The following CDYL variants were observed in gnomAD, a reference collection of about 807,000 sequenced individuals.
CDYL encodes the protein chromodomain Y like.
CDYL carries 8 observed loss-of-function variants against 47.3 expected under a neutral mutation model. The observed-to-expected ratio is 0.17, with a 90% confidence interval of 0.10 to 0.31. The LOEUF is 0.31. CDYL is among the 10% of genes least tolerant of loss of function. The pLI, the probability that CDYL is intolerant of heterozygous loss-of-function variation, is 1.00. For synonymous variants in CDYL, 266 were observed against 265.0 expected (o/e 1.00, Z -0.04); for missense variants, 471 against 701.4 (o/e 0.67, Z 3.71).
At chr6:4,950,444 G>A (rs1046720772) in intron 5 of CDYL, among the ~76,000 whole-genome samples, 4 of 152,220 alleles carry the variant, frequency 2.6e-5, no homozygotes, top group African/African-American at 9.6e-5. Context: ...AACCCCGACA[G>A]CACAGAGCAC....
At chr6:4,714,352 T>G (rs1403919661) in intron 1 of CDYL, 3 of 151,824 alleles carry the variant, frequency 2.0e-5, no homozygotes, top group Non-Finnish European at 4.4e-5. Context: ...CACTTATTAC[T>G]TAGGAGAAGT....
chr6:4,805,294 A>G (rs1314884676), intron 1 of CDYL, among the ~76,000 whole-genome samples: 2 of 152,218 alleles, frequency 1.3e-5, no homozygotes, highest in Non-Finnish European at 2.9e-5. Flanking sequence ...ATTGGGGGAA[A>G]AAAAAGCATA....
At chr6:4,867,771 G>GTT (rs1401448283) in intron 1 of CDYL, among the ~76,000 whole-genome samples, 1 of 139,862 alleles carries the variant, frequency 7.1e-6, no homozygotes, top group African/African-American at 3.0e-5. Context: ...GTTGTTGTGG[G>GTT]GTTTTTTTTT....
chr6:4,821,419 T>C (rs992720468), intron 1 of CDYL, among the ~76,000 whole-genome samples: 5 of 151,582 alleles, frequency 3.3e-5, no homozygotes, highest in Admixed American at 6.6e-5. Context: ...CAGTCGGTCA[T>C]ATGGGAATTC....
At chr6:4,913,005 G>A (rs1274099327) in intron 2 of CDYL, among the ~76,000 whole-genome samples, 1 of 152,230 alleles carries the variant, frequency 6.6e-6, no homozygotes, top group African/African-American at 2.4e-5. Flanking sequence ...TCTGAGGAGA[G>A]TGACTTGCCG....
At chr6:4,918,402 A>G (rs1156932486) in intron 2 of CDYL, among the ~76,000 whole-genome samples, 1 of 150,146 alleles carries the variant, frequency 6.7e-6, no homozygotes, top group Non-Finnish European at 1.5e-5. Context: ...CTTTGAGGTG[A>G]CATTATAACA....
intron 1 of CDYL, among the ~76,000 whole-genome samples, chr6:4,837,041 C>T (rs1035893877): frequency 5.9e-5 from 9 of 152,128 alleles, no homozygotes; most frequent in African/African-American, 1.7e-4. Flanking sequence ...CCCAGTACCT[C>T]GTACAGTGCC....
chr6:4,915,202 A>G (rs1224225221), intron 2 of CDYL, among the ~76,000 whole-genome samples: 1 of 152,196 alleles, frequency 6.6e-6, no homozygotes, highest in Non-Finnish European at 1.5e-5. Flanking sequence ...ATAAATTCCT[A>G]GATTCGGATT....
intron 1 of CDYL, among the ~76,000 whole-genome samples, chr6:4,885,081 C>A (rs537933397): frequency 5.9e-5 from 9 of 152,200 alleles, no homozygotes; most frequent in African/African-American, 2.2e-4. Context: ...GTAGCCTAGA[C>A]CTCCTTGGCT....
At chr6:4,912,689 C>T (rs1239913982) in intron 2 of CDYL, among the ~76,000 whole-genome samples, 1 of 152,188 alleles carries the variant, frequency 6.6e-6, no homozygotes, top group African/African-American at 2.4e-5. Context: ...GTGATAGATG[C>T]TGAGGAGTCC....
intron 2 of CDYL, among the ~76,000 whole-genome samples, chr6:4,734,562 G>A (rs1306727058): frequency 2.0e-5 from 3 of 152,128 alleles, no homozygotes; most frequent in African/African-American, 7.2e-5. Context: ...CCGCTGGGAC[G>A]GGCTGCTGCA....
intron 1 of CDYL, among the ~76,000 whole-genome samples, chr6:4,780,398 G>GC (rs1212971467): frequency 0.017 from 205 of 12,360 alleles, 5 homozygotes; most frequent in East Asian, 0.065. Context: ...CCCCGCCTAC[G>GC]CCCCCCCCCC....
At chr6:4,715,660 TG>T in intron 1 of CDYL, 1 of 1,351,896 alleles carries the variant, frequency 7.4e-7, no homozygotes, top group Non-Finnish European at 1.0e-6. Flanking sequence ...GTAGAACTGG[TG>T]AAAGTCATTA....
chr6:4,758,350 A>AT (rs1491427456), intron 3 of CDYL, among the ~76,000 whole-genome samples: 2,972 of 54,174 alleles, frequency 0.055, 89 homozygotes, highest in South Asian at 0.27. Flanking sequence ...GAAAATAAAT[A>AT]AATATATATA....
rs200835710 is a variant in CDYL at position 4,717,703 on chromosome 6, CAAAAAAAAAAAAAAAAAAAA to C, written c.103+1840_103+1859del. On this transcript the variant is annotated intron_variant, in intron 2 of 8. Transcript: ENST00000328908. ...TTAGGCAACAGAACAAAGACCCTCA[CAAAAAAAAAAAAAAAAAAAA>C]AAAAAAAAAAAAAAAAATTAAAAAT... is the stretch of plus-strand genomic sequence containing the variant. 3.2e-4 allele frequency among the ~76,000 whole-genome samples: 16 copies of C among 49,348 alleles called. No homozygotes were observed. In the East Asian group the frequency reaches 5.4e-3, roughly 17 times the overall value. The allele number at this position is 49,348 out of a possible 152,430, so 32.4% of individuals were successfully genotyped here. A position where few individuals can be genotyped will look rare whatever the true frequency, so the allele number is the denominator to read the frequency against.
In CDYL at chr6:4,954,203, T is replaced by A; in HGVS notation, c.*147T>A. 2 of 712,780 alleles carry A rather than the reference T, an allele frequency of 2.8e-6. No individual in the cohort carries two copies. Among genetic ancestry groups the A allele is most frequent in the Non-Finnish European group, 4.4e-6 (2 of 458,042 alleles). The allele number at this position is 712,780 out of a possible 1,614,324, so 44.2% of individuals were successfully genotyped here. Reference sequence around the variant, plus strand: ...CAGGACTGGGAACATCCACGCTATTTATTATCGAGGAGTTTTAAAGTACTG... The same window carrying A: ...CAGGACTGGGAACATCCACGCTATTAATTATCGAGGAGTTTTAAAGTACTG... On this transcript the variant is annotated 3_prime_UTR_variant, in exon 7 of 7. Transcript: ENST00000397588.
chr6:4,813,718 C>T lies in CDYL; in HGVS notation c.24+36911C>T, dbSNP rs1759590922. Among the ~76,000 whole-genome samples the T allele has an allele frequency of 2.0e-5, 3 of 151,030 alleles. No homozygotes were observed. In the Admixed American group the frequency reaches 2.0e-4, roughly 10 times the overall value. On this transcript the variant is annotated intron_variant, in intron 1 of 6. Coordinates refer to ENST00000397588, the MANE Select transcript of CDYL (RefSeq NM_004824.4). ...TTCTTGATGTTTTGGTGGAATTTGC[C>T]TCAAGTTTCTATCTCAGACTTGTAA...
At chr6:4,784,871 T>G (rs931175242) in intron 1 of CDYL, among the ~76,000 whole-genome samples, 6 of 149,978 alleles carry the variant, frequency 4.0e-5, no homozygotes, top group African/African-American at 1.5e-4. Flanking sequence ...GTGAGTCTCA[T>G]GAGATCTCAT....
intron 1 of CDYL, among the ~76,000 whole-genome samples, chr6:4,786,012 T>G (rs551513459): frequency 6.6e-6 from 1 of 151,816 alleles, no homozygotes; most frequent in Non-Finnish European, 1.5e-5. Context: ...TCAAGAAGAG[T>G]TTTTAAAAAG....
Sources: gnomAD v4.1 joint callset for allele counts (sites outside exome capture counted in the v4.1 genomes callset) on GRCh38, gnomAD v4.1.1 for gene constraint, MANE v1.5 for transcripts, NCBI Gene and HGNC (gene_info 2026-07-23, HGNC 2026-07-21) for gene names.